ADAMTSL1: variants seen among roughly 807,000 people sequenced by gnomAD.
ADAMTSL1 encodes ADAMTS like 1.
Under a neutral mutation model 201.8 loss-of-function variants are expected in ADAMTSL1, and 126 were observed. The observed-to-expected ratio is 0.62, with a 90% CI of 0.54 to 0.72. The LOEUF is 0.72. ADAMTSL1 is among the 30% of genes least tolerant of loss of function. The pLI, the probability that ADAMTSL1 is intolerant of heterozygous loss-of-function variation, is 0.00. For missense variants in ADAMTSL1, 2,679 were observed against 2,277.8 expected (o/e 1.18, Z -3.59); for synonymous variants, 1,121 against 903.4 (o/e 1.24, Z -4.32).
intron 2 of ADAMTSL1, among the ~76,000 whole-genome samples, chr9:18,402,648 A>G (rs1347201623): frequency 2.0e-5 from 3 of 152,080 alleles, no homozygotes; most frequent in Non-Finnish European, 4.4e-5. Context: ...AACACCTTTC[A>G]GTACATTAAA....
chr9:18,452,384 C>T (rs933286302), intron 2 of ADAMTSL1, among the ~76,000 whole-genome samples: 2 of 152,166 alleles, frequency 1.3e-5, no homozygotes, highest in South Asian at 2.1e-4. Flanking sequence ...TTGGAGAATA[C>T]GTTCAAACCA....
chr9:18,812,923 T>C (rs950630957), intron 20 of ADAMTSL1, among the ~76,000 whole-genome samples: 1 of 151,958 alleles, frequency 6.6e-6, no homozygotes, highest in Non-Finnish European at 1.5e-5. Flanking sequence ...TGTAGCTTTA[T>C]AGTATATTTT....
chr9:18,077,517 A>G (rs565337588), intron 1 of ADAMTSL1, among the ~76,000 whole-genome samples: 4 of 152,288 alleles, frequency 2.6e-5, no homozygotes, highest in South Asian at 2.1e-4. Context: ...GCATATCATG[A>G]TTGATAAAAG....
rs542763694 is a variant in ADAMTSL1 at position 18,276,820 on chromosome 9, A to G, written c.207+112839A>G. Among the ~76,000 whole-genome samples, 86 of 152,318 alleles carry G rather than the reference A, an allele frequency of 5.6e-4. 2 individuals are homozygous for G. In the South Asian group the frequency reaches 0.018, roughly 31 times the overall value. ...ATTATGGTGAGAATAGCACCAAGCT[A>G]TTCATGGAAGACCCACCCCCAGGAC... On this transcript the variant is annotated intron_variant, in intron 2 of 29. Coordinates refer to the ADAMTSL1 transcript ENST00000680146.
At chr9:18,754,960 A>T (rs189464594) in intron 16 of ADAMTSL1, among the ~76,000 whole-genome samples, 7 of 152,294 alleles carry the variant, frequency 4.6e-5, no homozygotes, top group Admixed American at 2.0e-4. Flanking sequence ...TTCAGTTAAA[A>T]TAAGGTTTTA....
chr9:18,779,821 C>A (rs1821281003), intron 19 of ADAMTSL1, among the ~76,000 whole-genome samples: 2 of 152,182 alleles, frequency 1.3e-5, no homozygotes, highest in Admixed American at 6.5e-5. Context: ...CCTATTACAC[C>A]ACTATGATGC....
At chr9:17,988,220 T>G (rs1445510710) in intron 1 of ADAMTSL1, among the ~76,000 whole-genome samples, 1 of 152,022 alleles carries the variant, frequency 6.6e-6, no homozygotes, top group Non-Finnish European at 1.5e-5. Context: ...GAAGGTGAAA[T>G]AAGAAATATT....
intron 4 of ADAMTSL1, among the ~76,000 whole-genome samples, chr9:18,609,529 A>G (rs549573865): frequency 6.3e-4 from 96 of 152,184 alleles, no homozygotes; most frequent in Non-Finnish European, 1.1e-3. Flanking sequence ...CTTACTTCCT[A>G]TATGCTGTTG....
intron 2 of ADAMTSL1, among the ~76,000 whole-genome samples, chr9:18,406,750 CA>C (rs1362128071): frequency 6.6e-6 from 1 of 152,108 alleles, no homozygotes; most frequent in Admixed American, 6.6e-5. Flanking sequence ...GTATTCTACT[CA>C]TGTTGCTTAA....
chr9:18,205,510 T>G (rs935686796), intron 2 of ADAMTSL1, among the ~76,000 whole-genome samples: 13 of 152,108 alleles, frequency 8.5e-5, no homozygotes, highest in Admixed American at 3.9e-4. Context: ...ATGTTTCTTA[T>G]TATCTCTACT....
At chr9:18,622,687 GATGTGTAGT>G in intron 5 of ADAMTSL1, 1 of 511,176 alleles carries the variant, frequency 2.0e-6, no homozygotes. Context: ...GCTCCTGCGT[GATGTGTAGT>G]GTGCTATGCC....
chr9:18,495,262 G>C (rs770187000), intron 1 of ADAMTSL1, among the ~76,000 whole-genome samples: 9 of 152,174 alleles, frequency 5.9e-5, no homozygotes, highest in Non-Finnish European at 1.3e-4. Flanking sequence ...TAAGCATGCA[G>C]GATTAGAAAC....
intron 1 of ADAMTSL1, among the ~76,000 whole-genome samples, chr9:18,001,058 G>T (rs886697901): frequency 6.6e-6 from 1 of 151,986 alleles, no homozygotes; most frequent in African/African-American, 2.4e-5. Context: ...AAATGCTATT[G>T]CCAGGAAAAA....
intron 1 of ADAMTSL1, among the ~76,000 whole-genome samples, chr9:18,051,546 C>CTT (rs200097532): frequency 3.6e-5 from 5 of 140,812 alleles, no homozygotes; most frequent in Admixed American, 7.2e-5. Context: ...CTTTTTAAAA[C>CTT]TTTTTTTTTT....
chr9:18,039,893 G>T (rs1368402935), intron 1 of ADAMTSL1, among the ~76,000 whole-genome samples: 1 of 152,144 alleles, frequency 6.6e-6, no homozygotes, highest in Non-Finnish European at 1.5e-5. Flanking sequence ...TTCTGAATCC[G>T]ATTTGTCTGT....
intron 2 of ADAMTSL1, among the ~76,000 whole-genome samples, chr9:18,357,174 G>C (rs1836287887): frequency 6.6e-6 from 1 of 152,182 alleles, no homozygotes; most frequent in South Asian, 2.1e-4. Flanking sequence ...AAGGACTCTA[G>C]AGTATATGCC....
chr9:18,332,831 G>C (rs1835087228), intron 2 of ADAMTSL1, among the ~76,000 whole-genome samples: 1 of 152,170 alleles, frequency 6.6e-6, no homozygotes, highest in Non-Finnish European at 1.5e-5. Context: ...TGCTGGCAGA[G>C]TGAAAAGAGC....
chr9:18,329,422 G>T (rs1834946588), intron 2 of ADAMTSL1, among the ~76,000 whole-genome samples: 1 of 152,160 alleles, frequency 6.6e-6, no homozygotes, highest in Non-Finnish European at 1.5e-5. Context: ...CATTTACTGG[G>T]ATAGAGAAAG....
At chr9:18,382,757 C>A (rs1241037314) in intron 2 of ADAMTSL1, among the ~76,000 whole-genome samples, 1 of 152,074 alleles carries the variant, frequency 6.6e-6, no homozygotes, top group Non-Finnish European at 1.5e-5. Context: ...CTTGCAATTA[C>A]CCCTCAGCCC....
Sources: allele counts gnomAD v4.1 joint callset (sites outside exome capture counted in the v4.1 genomes callset), GRCh38; gene constraint gnomAD v4.1.1; transcripts MANE v1.5; gene names NCBI Gene and HGNC (gene_info 2026-07-23, HGNC 2026-07-21).